Variants in VAT1L observed in about 807,000 individuals in gnomAD.
VAT1L encodes vesicle amine transport 1 like.
Under a neutral mutation model 44.1 loss-of-function variants are expected in VAT1L, and 34 were observed. The ratio of observed to expected loss-of-function variants is 0.77; its 90% CI spans 0.59 to 1.03. The LOEUF (loss-of-function observed/expected upper bound fraction) is 1.03. VAT1L is among the 50% of genes least tolerant of loss of function. The probability of loss-of-function intolerance (pLI) is 0.00; values close to 1 mark genes in which losing one functional copy is unlikely to be tolerated. For synonymous variants in VAT1L, 253 were observed against 202.2 expected, an observed-to-expected ratio of 1.25 and a Z score of -2.13; for missense variants, 615 against 538.8, an observed-to-expected ratio of 1.14 and a Z score of -1.40.
intron 7 of VAT1L, among the ~76,000 whole-genome samples, chr16:77,945,278 C>CCTTTTTTTTTT (rs2017946469): frequency 1.2e-5 from 1 of 83,030 alleles, no homozygotes; most frequent in African/African-American, 4.3e-5. Context: ...GATTGCAGAA[C>CCTTTTTTTTTT]TTTTTTTTTT....
chr16:77,879,266 G>A lies in VAT1L; in HGVS notation c.882+42G>A, dbSNP rs372975763. The stretch of plus-strand genomic sequence containing the variant: ...ATCTGATGTACTGTGGTGGCATGTT[G>A]ATTCACATGTTGAGAGCTTTGTTTT... On this transcript the variant is annotated intron_variant, in intron 6 of 8. Coordinates refer to ENST00000302536, the MANE Select transcript of VAT1L (RefSeq NM_020927.3). The surrounding 1 kb of genome is among the most constrained non-coding windows in gnomAD (Gnocchi z 4.1). 6.3e-7 allele frequency: 1 copy of A among 1,587,050 alleles called. No homozygotes were observed. The highest frequency in any genetic ancestry group is 8.7e-7 in the Non-Finnish European group (1 of 1,156,046).
chr16:77,929,472 T>G (rs979767081), intron 7 of VAT1L, among the ~76,000 whole-genome samples: 1 of 152,158 alleles, frequency 6.6e-6, no homozygotes, highest in Non-Finnish European at 1.5e-5. Context: ...TTATTAGCAA[T>G]TCTCAGCTCC....
At chr16:77,871,389 G>T (rs1012617325) in intron 4 of VAT1L, among the ~76,000 whole-genome samples, 1 of 152,122 alleles carries the variant, frequency 6.6e-6, no homozygotes, top group African/African-American at 2.4e-5. Context: ...ATGTGAAGGA[G>T]ACCCACAAGT....
In VAT1L at chr16:77,948,895, A is replaced by G. The variant is rs942107525; in HGVS notation, c.1078-22955A>G. Among the ~76,000 whole-genome samples, 8 of 152,262 alleles carry G rather than the reference A, an allele frequency of 5.3e-5. No individual in the cohort carries two copies. The South Asian group carries it at 6.2e-4, about 12-fold the overall frequency. ...TAATGAGGAGTGAAGGGACTATTCC[A>G]TGGAAAGCATTTGACACTTAGCATG... On this transcript the variant is annotated intron_variant, in intron 7 of 8. Coordinates refer to ENST00000302536, the MANE Select transcript of VAT1L (RefSeq NM_020927.3).
rs2017966612 is a variant in VAT1L, at chr16:77,946,364, A to G, written c.1078-25486A>G. On this transcript the variant is annotated intron_variant, in intron 7 of 8. Transcript: ENST00000302536. ...AGTGGTGAGATCTCAGCTCACTGCA[A>G]GTTCCGCCTCCCAGGTTCACACCAT... is the stretch of plus-strand genomic sequence containing the variant. Among the ~76,000 whole-genome samples, 3 of 131,328 alleles carry G rather than the reference A, an allele frequency of 2.3e-5. No individual in the cohort carries two copies. In the Admixed American group the frequency reaches 2.8e-4, roughly 12 times the overall value. 86.2% of individuals were successfully genotyped at this position (131,328 alleles called of 152,430 possible).
chr16:77,950,008 C>G (rs1363234585), intron 7 of VAT1L, among the ~76,000 whole-genome samples: 1 of 152,200 alleles, frequency 6.6e-6, no homozygotes, highest in African/African-American at 2.4e-5. Context: ...GCTCTGTAGC[C>G]TCGTTTCACT....
At chr16:77,812,975 CT>C (rs1172243146) in intron 1 of VAT1L, among the ~76,000 whole-genome samples, 1 of 152,014 alleles carries the variant, frequency 6.6e-6, no homozygotes, top group Non-Finnish European at 1.5e-5. Context: ...AACACTATTT[CT>C]TTTTTTGCAA....
intron 7 of VAT1L, among the ~76,000 whole-genome samples, chr16:77,910,814 GCAT>G (rs1210863203): frequency 2.0e-5 from 3 of 152,124 alleles, no homozygotes; most frequent in African/African-American, 7.2e-5. Context: ...AACTGTCAGT[GCAT>G]CATCATAATT....
intron 7 of VAT1L, among the ~76,000 whole-genome samples, chr16:77,927,792 C>T (rs542498416): frequency 2.0e-5 from 3 of 152,014 alleles, no homozygotes; most frequent in African/African-American, 4.8e-5. Context: ...TCGCTTGAAC[C>T]CGGGAGGTGG....
intron 7 of VAT1L, among the ~76,000 whole-genome samples, chr16:77,932,559 T>C (rs933223600): frequency 6.6e-6 from 1 of 152,208 alleles, no homozygotes; most frequent in Non-Finnish European, 1.5e-5. Context: ...GTTCACAAGA[T>C]TTTGGTGTCC....
intron 3 of VAT1L, among the ~76,000 whole-genome samples, chr16:77,854,166 G>A (rs1266983904): frequency 1.3e-5 from 2 of 151,834 alleles, no homozygotes; most frequent in Non-Finnish European, 2.9e-5. Flanking sequence ...TATATTTTGA[G>A]CAATTGAAAA....
chr16:77,932,359 C>A (rs2017742589), intron 7 of VAT1L, among the ~76,000 whole-genome samples: 1 of 152,008 alleles, frequency 6.6e-6, no homozygotes, highest in Non-Finnish European at 1.5e-5. Context: ...CCCGCCTTGG[C>A]CTCCAAAAGT....
intron 8 of VAT1L, among the ~76,000 whole-genome samples, chr16:77,974,402 A>G: frequency 6.6e-6 from 1 of 152,218 alleles, no homozygotes; most frequent in Non-Finnish European, 1.5e-5. Flanking sequence ...TCCTGTGTCC[A>G]TCACACATGA....
chr16:77,800,501 T>C (rs1156610877), intron 1 of VAT1L: 3 of 152,224 alleles, frequency 2.0e-5, no homozygotes, highest in Non-Finnish European at 4.4e-5. Flanking sequence ...AACTGCACCC[T>C]TCAGTACCCA....
At chr16:77,970,125 A>G (rs992622939) in intron 7 of VAT1L, among the ~76,000 whole-genome samples, 1 of 150,924 alleles carries the variant, frequency 6.6e-6, no homozygotes, top group African/African-American at 2.4e-5. Flanking sequence ...AATCCTAGCT[A>G]CTTGGTAGGC....
intron 2 of VAT1L, among the ~76,000 whole-genome samples, chr16:77,824,274 C>G (rs1297011064): frequency 6.6e-6 from 1 of 152,124 alleles, no homozygotes; most frequent in East Asian, 1.9e-4. Context: ...TTCAGAGTTT[C>G]AAGGAATGGG....
At chr16:77,821,176 C>A (rs2016447100) in intron 2 of VAT1L, among the ~76,000 whole-genome samples, 1 of 152,134 alleles carries the variant, frequency 6.6e-6, no homozygotes, top group African/African-American at 2.4e-5. Flanking sequence ...CCAGCCTCTG[C>A]CCTCTAAGAT....
chr16:77,953,067 A>G (rs1395323112), intron 7 of VAT1L, among the ~76,000 whole-genome samples: 1 of 152,078 alleles, frequency 6.6e-6, no homozygotes, highest in African/African-American at 2.4e-5. Flanking sequence ...TAAGAAGGAA[A>G]AAAGAGAGAG....
chr16:77,850,098 G>A (rs1025310002), intron 3 of VAT1L, among the ~76,000 whole-genome samples: 5 of 152,276 alleles, frequency 3.3e-5, no homozygotes, highest in African/African-American at 1.2e-4. Flanking sequence ...CTGTGAACAC[G>A]ATAGTCCCAA....
Sources: allele counts gnomAD v4.1 joint callset (sites outside exome capture counted in the v4.1 genomes callset), GRCh38; gene constraint gnomAD v4.1.1; non-coding constraint Gnocchi (gnomAD v3.1); transcripts MANE v1.5; gene names NCBI Gene and HGNC (gene_info 2026-07-23, HGNC 2026-07-21).